Variants in LARP1B observed in about 807,000 individuals in gnomAD.
LARP1B encodes the protein La ribonucleoprotein 1B.
A neutral mutation model predicts 114.2 loss-of-function variants in LARP1B; 76 were observed. That is an observed-to-expected ratio of 0.67 (90% CI 0.55 to 0.81). The LOEUF (loss-of-function observed/expected upper bound fraction) is 0.81, where lower values mean the gene tolerates loss of function less well. Ranked by LOEUF, LARP1B falls within the 30% of genes least tolerant of loss-of-function variation. The pLI, the probability that LARP1B is intolerant of heterozygous loss-of-function variation, is 0.00. For missense variants in LARP1B, 1,014 were observed against 1,075.8 expected (o/e 0.94, Z 0.80); for synonymous variants, 345 against 348.0 (o/e 0.99, Z 0.10).
chr4:128,078,963 G>C (rs1200032855), intron 4 of LARP1B, among the ~76,000 whole-genome samples: 1 of 152,156 alleles, frequency 6.6e-6, no homozygotes, highest in Non-Finnish European at 1.5e-5. Context: ...AATACCATGG[G>C]AAACCATTGA....
chr4:128,199,591 G>T lies in LARP1B; in HGVS notation c.2156G>T (p.Cys719Phe). The change falls in exon 16 of 20, where the codon TGC becomes TTC. Residue 719 changes from cysteine (C) to phenylalanine (F), a missense_variant. Physicochemically the swap from Cys to Phe is radical, Grantham distance 205. Transcript: ENST00000326639. ...GTGTACCACAAGTATCGTCGAAGAT[G>T]CCTAAGTGGTAAGATGCTTGTCCTT... is the stretch of plus-strand genomic sequence containing the variant. ...QQVYHKYRRR[C>F]LSERKRLGIG... is the part of the protein sequence containing the mutation. The T allele has an allele frequency of 6.5e-7, 1 of 1,542,414 alleles. No individual in the cohort carries two copies. The highest frequency in any genetic ancestry group is 8.8e-7 in the Non-Finnish European group (1 of 1,140,494).
At chr4:128,134,651 G>A (rs1459227808) in intron 11 of LARP1B, among the ~76,000 whole-genome samples, 1 of 152,092 alleles carries the variant, frequency 6.6e-6, no homozygotes, top group East Asian at 1.9e-4. Context: ...TTAACAGTAG[G>A]CAACCTATGG....
intron 10 of LARP1B, among the ~76,000 whole-genome samples, chr4:128,115,665 T>C (rs1785537492): frequency 6.6e-6 from 1 of 152,258 alleles, no homozygotes; most frequent in Non-Finnish European, 1.5e-5. Flanking sequence ...ATATGACTTT[T>C]ATTTTTTGAG....
At chr4:128,166,771 C>T (rs1228307986) in intron 12 of LARP1B, among the ~76,000 whole-genome samples, 4 of 150,846 alleles carry the variant, frequency 2.7e-5, no homozygotes, top group African/African-American at 9.7e-5. Flanking sequence ...TTATCTACAT[C>T]TATATACTTT....
intron 1 of LARP1B, among the ~76,000 whole-genome samples, chr4:128,066,267 C>T (rs1232802870): frequency 1.3e-5 from 2 of 150,588 alleles, no homozygotes; most frequent in South Asian, 2.1e-4. Context: ...AGCTCCGCCT[C>T]CCGGGTTCAC....
At chr4:128,176,740 G>C (rs1477923835) in intron 12 of LARP1B, 132 bp from the exon 13 acceptor site, 1 of 761,934 alleles carries the variant, frequency 1.3e-6, no homozygotes, top group African/African-American at 1.8e-5. Flanking sequence ...TGCTTTCTGG[G>C]AAGCAATGAG....
rs566498680 is a variant in LARP1B, at chr4:128,069,213, T to C, written c.-77-5247T>C. 151 of 1,088,780 alleles carry C rather than the reference T, an allele frequency of 1.4e-4. 1 individual carries two copies. In the South Asian group the frequency reaches 1.7e-3, roughly 12 times the overall value. The allele number at this position is 1,088,780 out of a possible 1,614,324, so 67.4% of individuals were successfully genotyped here. On this transcript the variant is annotated intron_variant, in intron 1 of 19. Transcript: ENST00000326639. ...GTCAGGATTTCTTCTGATAGCTTTA[T>C]GGAATGGATCAATGAGGATAACCTC...
chr4:128,112,122 T>A (rs1784325657), intron 9 of LARP1B, among the ~76,000 whole-genome samples: 1 of 152,180 alleles, frequency 6.6e-6, no homozygotes, highest in Non-Finnish European at 1.5e-5. Context: ...TCACTTGTAC[T>A]TTTTTTGTGA....
intron 15 of LARP1B, among the ~76,000 whole-genome samples, chr4:128,192,486 A>G (rs1375550192): frequency 2.0e-5 from 3 of 152,246 alleles, no homozygotes; most frequent in Non-Finnish European, 4.4e-5. Context: ...AAATGTGCTC[A>G]GAACACTTAT....
intron 10 of LARP1B, among the ~76,000 whole-genome samples, chr4:128,116,747 A>T (rs1446981608): frequency 6.6e-6 from 1 of 152,214 alleles, no homozygotes; most frequent in Non-Finnish European, 1.5e-5. Context: ...ATATACTTTT[A>T]AAAAAGTGAT....
intron 11 of LARP1B, among the ~76,000 whole-genome samples, chr4:128,142,782 A>T (rs1464821948): frequency 6.6e-6 from 1 of 151,614 alleles, no homozygotes; most frequent in Non-Finnish European, 1.5e-5. Flanking sequence ...TCCTGGGATT[A>T]CAGGCGTGAG....
rs953703469 is a variant in LARP1B at position 128,065,489 on chromosome 4, C to G, written c.-78+4088C>G. ...AAAGTGCAGGGATTACAGACATAAT[C>G]AGGCTTTCTATTTTCTTAAGCAAAT... On this transcript the variant is annotated intron_variant, in intron 1 of 19. Transcript: ENST00000326639. Among the ~76,000 whole-genome samples the G allele has an allele frequency of 2.0e-5, 3 of 151,800 alleles. No individual in the cohort carries two copies. In the East Asian group the frequency reaches 5.8e-4, roughly 29 times the overall value.
chr4:128,181,813 T>C (rs1748500328), intron 15 of LARP1B, among the ~76,000 whole-genome samples: 2 of 142,384 alleles, frequency 1.4e-5, no homozygotes, highest in Non-Finnish European at 3.1e-5. Flanking sequence ...TTTTTTTTTT[T>C]TTTTTTTTTT....
At chr4:128,187,513 A>C (rs1307071066) in intron 15 of LARP1B, among the ~76,000 whole-genome samples, 1 of 152,150 alleles carries the variant, frequency 6.6e-6, no homozygotes, top group East Asian at 1.9e-4. Context: ...CTATACCTCC[A>C]TTGTATCTTG....
At chr4:128,135,031 G>T (rs1478721710) in intron 11 of LARP1B, among the ~76,000 whole-genome samples, 1 of 152,042 alleles carries the variant, frequency 6.6e-6, no homozygotes, top group South Asian at 2.1e-4. Flanking sequence ...GAACCCCGGA[G>T]GTGGGGGTTG....
intron 17 of LARP1B, among the ~76,000 whole-genome samples, chr4:128,206,185 G>A (rs1809796): frequency 0.61 from 93,236 of 151,834 alleles, 30,446 homozygotes; most frequent in Middle Eastern, 0.82. Context: ...CCAGCTACTC[G>A]GGAGGCTGAG....
intron 11 of LARP1B, among the ~76,000 whole-genome samples, chr4:128,151,336 T>A (rs1049981005): frequency 6.6e-6 from 1 of 152,230 alleles, no homozygotes; most frequent in Non-Finnish European, 1.5e-5. Context: ...AATGCTATTA[T>A]TGAATATGCA....
Position 128,162,251 on chromosome 4 carries a change from C to G in LARP1B, c.1582C>G (p.Leu528Val). The G allele has an allele frequency of 6.2e-7, 1 of 1,612,850 alleles. No individual in the cohort carries two copies. Among genetic ancestry groups the G allele is most frequent in the Non-Finnish European group, 8.5e-7 (1 of 1,179,066 alleles). ...NLISKEQFEN[L>V]TPELPFEPNQ... The stretch of plus-strand genomic sequence containing the variant: ...CATTAGTAAAGAGCAGTTTGAAAAC[C>G]TAACACCTGAACTTCCTTTTGAGCC... The change falls in exon 12 of 20, where the codon CTA becomes GTA. Residue 528 changes from leucine to valine, a missense_variant. Coordinates refer to ENST00000326639, the MANE Select transcript of LARP1B (RefSeq NM_018078.4).
chr4:128,070,654 C>T (rs746526654), intron 1 of LARP1B, among the ~76,000 whole-genome samples: 1 of 151,964 alleles, frequency 6.6e-6, no homozygotes, highest in Admixed American at 6.6e-5. Context: ...AGTGAAATTC[C>T]GTCTCAAAAA....
Sources: gnomAD v4.1 joint callset for allele counts (sites outside exome capture counted in the v4.1 genomes callset) on GRCh38, gnomAD v4.1.1 for gene constraint, MANE v1.5 for transcripts, NCBI Gene and HGNC (gene_info 2026-07-23, HGNC 2026-07-21) for gene names.